Variants in KCNG2 observed in about 807,000 individuals in gnomAD.
KCNG2 encodes the protein potassium voltage-gated channel modifier subfamily G member 2, also known as voltage-gated potassium channel regulatory subunit KCNG2.
KCNG2 carries 7 observed loss-of-function variants against 12.3 expected under a neutral mutation model. The observed-to-expected ratio is 0.57, with a 90% confidence interval of 0.32 to 1.07. The LOEUF is 1.07. KCNG2 is among the 50% of genes least tolerant of loss of function. The pLI is 0.04. For missense variants in KCNG2, 703 were observed against 726.0 expected (o/e 0.97, Z 0.36); for synonymous variants, 414 against 351.4 (o/e 1.18, Z -1.99).
chr18:79,867,478 T>C (rs1399070486), intron 3 of KCNG2, among the ~76,000 whole-genome samples: 1 of 48,298 alleles, frequency 2.1e-5, no homozygotes, highest in African/African-American at 6.3e-5. Context: ...GAGCCCGGCG[T>C]TGTGTCGTGT....
At chr18:79,885,304 G>A (rs894978519) in intron 3 of KCNG2, among the ~76,000 whole-genome samples, 1 of 152,238 alleles carries the variant, frequency 6.6e-6, no homozygotes, top group African/African-American at 2.4e-5. Flanking sequence ...CAGGCTGAAC[G>A]TAGACTTTTT....
In KCNG2 at chr18:79,872,280, G is replaced by GTTTTTTTTTTTTTTTT; in HGVS notation, c.624+7997_624+8012dup. On this transcript the variant is annotated intron_variant, in intron 3 of 3. Coordinates refer to ENST00000316249, the MANE Select transcript of KCNG2 (RefSeq NM_012283.2). Reference sequence around the variant, plus strand: ...CTGATATAAAAGCTTCAAAGCTTCAGTTTTTTTTTTTTTTTTTTTTTTTGA... The same window carrying GTTTTTTTTTTTTTTTT: ...CTGATATAAAAGCTTCAAAGCTTCAGTTTTTTTTTTTTTTTTTTTTTTTTTTTTTTTTTTTTTTTGA... 2.8e-3 allele frequency among the ~76,000 whole-genome samples: 205 copies of GTTTTTTTTTTTTTTTT among 73,408 alleles called. 33 individuals carry two copies. The highest frequency in any genetic ancestry group is 9.7e-3 in the African/African-American group (185 of 19,066). 48.2% of individuals were successfully genotyped at this position (73,408 alleles called of 152,430 possible).
intron 1 of KCNG2, among the ~76,000 whole-genome samples, chr18:79,810,286 A>T (rs1019051879): frequency 6.6e-6 from 1 of 152,082 alleles, no homozygotes; most frequent in East Asian, 1.9e-4. Flanking sequence ...GACAAAGAGG[A>T]CCAAGATGAG....
intron 3 of KCNG2, among the ~76,000 whole-genome samples, chr18:79,870,012 G>A (rs1215587615): frequency 6.6e-6 from 1 of 152,232 alleles, no homozygotes; most frequent in Admixed American, 6.5e-5. Flanking sequence ...GGCTCAGCCA[G>A]GCAGGACCTC....
chr18:79,889,474 G>A (rs1980670326), intron 3 of KCNG2, among the ~76,000 whole-genome samples: 1 of 128,992 alleles, frequency 7.8e-6, no homozygotes, highest in South Asian at 2.2e-4. Flanking sequence ...AAGTTTTTTT[G>A]TTCTTTTGTT....
chr18:79,871,299 C>G (rs1010666422), intron 3 of KCNG2, among the ~76,000 whole-genome samples: 1 of 152,354 alleles, frequency 6.6e-6, no homozygotes. Context: ...TGTGGGGGAC[C>G]CTTGGAGCCC....
At chr18:79,834,790 T>C (rs1014990491) in intron 1 of KCNG2, among the ~76,000 whole-genome samples, 1 of 152,144 alleles carries the variant, frequency 6.6e-6, no homozygotes, top group African/African-American at 2.4e-5. Context: ...AGTCAGCCAC[T>C]CTCCCACAGG....
intron 3 of KCNG2, among the ~76,000 whole-genome samples, chr18:79,864,717 G>A (rs1480194121): frequency 2.6e-5 from 4 of 152,246 alleles, no homozygotes; most frequent in Non-Finnish European, 5.9e-5. Flanking sequence ...AGGGCTGGAG[G>A]ACAGTGCCAG....
rs1052723814 is a variant in KCNG2, at chr18:79,806,303, G to A, written c.-115+8289G>A. Among the ~76,000 whole-genome samples, 18 of 151,940 alleles carry A rather than the reference G, an allele frequency of 1.2e-4. 1 individual carries two copies. The highest frequency in any genetic ancestry group is 6.6e-4 in the Admixed American group (10 of 15,246). ...GGTCTCAGGCAAGGCCGCTGTGTCGGGGGTCGGGGCATGGGGCCATCGGGA... is the reference window on the plus strand; with the variant it reads ...GGTCTCAGGCAAGGCCGCTGTGTCGAGGGTCGGGGCATGGGGCCATCGGGA... On this transcript the variant is annotated intron_variant, in intron 1 of 3. Transcript: ENST00000316249.
chr18:79,855,305 G>T (rs1423999971), intron 1 of KCNG2, among the ~76,000 whole-genome samples: 2 of 152,114 alleles, frequency 1.3e-5, no homozygotes, highest in African/African-American at 4.8e-5. Flanking sequence ...AAACTTCTTT[G>T]CTCTGGGGGC....
chr18:79,873,436 C>G (rs1398016829), intron 3 of KCNG2, among the ~76,000 whole-genome samples: 3 of 145,708 alleles, frequency 2.1e-5, no homozygotes, highest in East Asian at 2.0e-4. Context: ...TCCCCCCCCC[C>G]CAGCCACCTC....
intron 1 of KCNG2, among the ~76,000 whole-genome samples, chr18:79,807,971 A>G (rs1182859983): frequency 1.0e-5 from 1 of 97,078 alleles, no homozygotes. Flanking sequence ...GGCCGCGCTG[A>G]CCACACTCCA....
chr18:79,897,766 G>A (rs779969165), intron 3 of KCNG2, among the ~76,000 whole-genome samples: 2 of 150,960 alleles, frequency 1.3e-5, no homozygotes, highest in Non-Finnish European at 2.9e-5. Flanking sequence ...CTGGCTTACT[G>A]TTGTGATGCC....
At chr18:79,807,869 G>T (rs1369806857) in intron 1 of KCNG2, among the ~76,000 whole-genome samples, 1 of 104,484 alleles carries the variant, frequency 9.6e-6, no homozygotes, top group Non-Finnish European at 1.9e-5. Context: ...CCACGTTATG[G>T]GCCCAGAGTC....
At chr18:79,873,480 C>T (rs1162272882) in intron 3 of KCNG2, among the ~76,000 whole-genome samples, 5 of 150,854 alleles carry the variant, frequency 3.3e-5, no homozygotes, top group African/African-American at 7.3e-5. Flanking sequence ...GCGTGGCCAC[C>T]GGCCCCTCTG....
At chr18:79,847,405 G>A (rs1461313294) in intron 1 of KCNG2, among the ~76,000 whole-genome samples, 2 of 152,212 alleles carry the variant, frequency 1.3e-5, no homozygotes, top group African/African-American at 4.8e-5. Flanking sequence ...ATTGCCAGGT[G>A]CCCCGTGGGA....
At chr18:79,833,122 C>A (rs540570222) in intron 1 of KCNG2, among the ~76,000 whole-genome samples, 22 of 152,302 alleles carry the variant, frequency 1.4e-4, no homozygotes, top group African/African-American at 4.6e-4. Flanking sequence ...TAACCTAAAT[C>A]TCTCTTGCTA....
At chr18:79,817,093 C>T (rs2087534776) in intron 1 of KCNG2, among the ~76,000 whole-genome samples, 2 of 151,564 alleles carry the variant, frequency 1.3e-5, no homozygotes, top group South Asian at 4.2e-4. Flanking sequence ...ACTCACATGC[C>T]TGTCACGTTT....
Position 79,815,441 on chromosome 18 carries a change from C to CAA in KCNG2, c.-115+17447_-115+17448dup, listed in dbSNP as rs760919178. ...AGGATGACAGAGTGAAACCCTGCCT[C>CAA]AAAAAAAAAAAAAAAAAAAAATCCT... On this transcript the variant is annotated intron_variant, in intron 1 of 3. Coordinates refer to ENST00000316249, the MANE Select transcript of KCNG2 (RefSeq NM_012283.2). Among the ~76,000 whole-genome samples the CAA allele has an allele frequency of 7.6e-3, 599 of 78,774 alleles. 7 individuals are homozygous for CAA. Among genetic ancestry groups the CAA allele is most frequent in the East Asian group, 0.039 (121 of 3,082 alleles). The allele number at this position is 78,774 out of a possible 152,430, so 51.7% of individuals were successfully genotyped here.
Sources: allele counts gnomAD v4.1 joint callset (sites outside exome capture counted in the v4.1 genomes callset), GRCh38; gene constraint gnomAD v4.1.1; transcripts MANE v1.5; gene names NCBI Gene and HGNC (gene_info 2026-07-23, HGNC 2026-07-21).